MRPL13: variants seen among roughly 807,000 people sequenced by gnomAD.
The protein encoded by MRPL13 is mitochondrial ribosomal protein L13.
A neutral mutation model predicts 29.0 loss-of-function variants in MRPL13; 33 were observed. The observed-to-expected ratio is 1.14, with a 90% CI of 0.86 to 1.52. The LOEUF is 1.52. Ranked by LOEUF, MRPL13 falls within the 40% of genes most tolerant of loss-of-function variation. The pLI is 0.00. For missense variants in MRPL13, 227 were observed against 216.7 expected, an observed-to-expected ratio of 1.05 and a Z score of -0.30; for synonymous variants, 77 against 68.4, an observed-to-expected ratio of 1.13 and a Z score of -0.62.
chr8:120,402,637 A>T (rs1013236369), intron 6 of MRPL13, among the ~76,000 whole-genome samples: 3 of 152,236 alleles, frequency 2.0e-5, no homozygotes, highest in Admixed American at 2.0e-4. Context: ...CAAAAGCATA[A>T]ATTGACAAAT....
At chr8:120,434,134 C>T (rs1350443106) in intron 2 of MRPL13, among the ~76,000 whole-genome samples, 1 of 152,062 alleles carries the variant, frequency 6.6e-6, no homozygotes, top group Non-Finnish European at 1.5e-5. Context: ...AGCTTCATGT[C>T]AGGAAACCTA....
chr8:120,407,693 C>A (rs535140177), intron 6 of MRPL13, among the ~76,000 whole-genome samples: 4 of 148,218 alleles, frequency 2.7e-5, no homozygotes, highest in East Asian at 2.0e-4. Context: ...CAAAACAAAA[C>A]AAAAAATACA....
chr8:120,432,070 C>T lies in MRPL13; in HGVS notation c.205G>A (p.Gly69Arg), dbSNP rs1813002638. Residue 69 changes from glycine (G) to arginine (R), a missense_variant, in exon 3 of 7, where the codon GGA (glycine) becomes AGA (arginine). Coordinates refer to ENST00000306185, the MANE Select transcript of MRPL13 (RefSeq NM_014078.6). ...IMNTRHIAFS[G>R]NKWEQKVYSS... ...TATACTTTTTGTTCCCATTTGTTTCCAGAAAATGCAATGTGTCTTGTGTTC... is the reference window on the plus strand; with the variant it reads ...TATACTTTTTGTTCCCATTTGTTTCTAGAAAATGCAATGTGTCTTGTGTTC... 1 of 1,609,034 alleles carries T rather than the reference C, an allele frequency of 6.2e-7. No homozygotes were observed. Among genetic ancestry groups the T allele is most frequent in the Non-Finnish European group, 8.5e-7 (1 of 1,177,604 alleles).
At chr8:120,436,892 T>C (rs1813060438) in intron 2 of MRPL13, among the ~76,000 whole-genome samples, 1 of 152,218 alleles carries the variant, frequency 6.6e-6, no homozygotes, top group African/African-American at 2.4e-5. Flanking sequence ...AATGTCCAAA[T>C]GGCTACTTCA....
At chr8:120,432,183 C>T (rs752316595) in intron 2 of MRPL13, 60 bp from the exon 3 acceptor site, 138 of 1,320,556 alleles carry the variant, frequency 1.0e-4, no homozygotes, top group Admixed American at 1.5e-4. Flanking sequence ...GAAAAAGTGG[C>T]CTTGGTTATT....
At chr8:120,411,370 G>A (rs1405213518) in intron 6 of MRPL13, among the ~76,000 whole-genome samples, 1 of 152,106 alleles carries the variant, frequency 6.6e-6, no homozygotes, top group Non-Finnish European at 1.5e-5. Flanking sequence ...GCCTGGCTGA[G>A]AGTTGTTTTC....
intron 3 of MRPL13, 143 bp downstream of exon 3, chr8:120,431,887 G>A: frequency 3.7e-6 from 2 of 537,438 alleles, no homozygotes. Flanking sequence ...TAAAAATTGA[G>A]TAAATTATAT....
intron 6 of MRPL13, among the ~76,000 whole-genome samples, chr8:120,397,187 C>T (rs1031700218): frequency 4.0e-5 from 6 of 151,164 alleles, no homozygotes; most frequent in African/African-American, 1.5e-4. Flanking sequence ...CGTGAGCCCA[C>T]ACCACCAGGG....
At chr8:120,422,770 T>C (rs988785917) in intron 4 of MRPL13, among the ~76,000 whole-genome samples, 3 of 151,752 alleles carry the variant, frequency 2.0e-5, no homozygotes, top group African/African-American at 7.2e-5. Context: ...CTTGTGGGGA[T>C]CAAAATCCTG....
chr8:120,409,917 C>T (rs539271342), intron 6 of MRPL13, among the ~76,000 whole-genome samples: 9 of 152,132 alleles, frequency 5.9e-5, no homozygotes, highest in Admixed American at 2.0e-4. Context: ...CTAATGTATG[C>T]TGAAACTAGG....
Position 120,414,119 on chromosome 8 carries a change from T to TAA in MRPL13, c.394-9_394-8dup. The TAA allele has an allele frequency of 3.3e-6, 5 of 1,507,632 alleles. No homozygotes were observed. The highest frequency in any genetic ancestry group is 2.6e-6 in the Non-Finnish European group (3 of 1,132,326). 93.4% of individuals were successfully genotyped at this position (1,507,632 alleles called of 1,614,324 possible). On this transcript the variant is annotated splice_polypyrimidine_tract_variant and splice_region_variant and intron_variant, in intron 5 of 6. Transcript: ENST00000306185. ...GAATATCTTCTGGAATATACTACAT[T>TAA]AAAAAAAAATTTAGACTTAATTTTC...
At chr8:120,418,450 C>A (rs1220733352) in intron 5 of MRPL13, among the ~76,000 whole-genome samples, 2 of 151,974 alleles carry the variant, frequency 1.3e-5, no homozygotes, top group African/African-American at 4.8e-5. Flanking sequence ...TCCCAGGATT[C>A]CAGATGAGAT....
At chr8:120,398,473 A>T (rs1238272407) in intron 6 of MRPL13, among the ~76,000 whole-genome samples, 1 of 152,212 alleles carries the variant, frequency 6.6e-6, no homozygotes, top group Non-Finnish European at 1.5e-5. Context: ...TCAACAAAAA[A>T]GACCCCACAA....
intron 2 of MRPL13, among the ~76,000 whole-genome samples, chr8:120,442,746 T>A (rs763286888): frequency 6.6e-6 from 1 of 152,194 alleles, no homozygotes; most frequent in Admixed American, 6.5e-5. Flanking sequence ...ATTAGTCTTA[T>A]TAGTGAAAAT....
At chr8:120,412,300 T>C (rs912254090) in intron 6 of MRPL13, among the ~76,000 whole-genome samples, 1 of 152,144 alleles carries the variant, frequency 6.6e-6, no homozygotes. Flanking sequence ...ATTTTCAAAC[T>C]ACATCAACTT....
At chr8:120,443,038 C>G (rs1225722716) in intron 2 of MRPL13, 147 bp downstream of exon 2, 2 of 800,534 alleles carry the variant, frequency 2.5e-6, no homozygotes, top group African/African-American at 1.8e-5. Context: ...CAGTTTTGGG[C>G]GCTAGTATGG....
chr8:120,436,089 T>A, intron 2 of MRPL13, among the ~76,000 whole-genome samples: 1 of 152,168 alleles, frequency 6.6e-6, no homozygotes, highest in East Asian at 1.9e-4. Context: ...ATATGCAATA[T>A]GCCAGGAGCT....
intron 3 of MRPL13, among the ~76,000 whole-genome samples, chr8:120,427,200 A>G (rs140566409): frequency 3.7e-4 from 56 of 152,312 alleles, no homozygotes; most frequent in Middle Eastern, 3.4e-3. Context: ...ATAAAGTAAC[A>G]CTGAAACTTC....
Position 120,408,828 on chromosome 8 carries a change from A to G in MRPL13, c.515+5163T>C, listed in dbSNP as rs374814647. Among the ~76,000 whole-genome samples, 121 of 152,310 alleles carry G rather than the reference A, an allele frequency of 7.9e-4. 1 individual carries two copies. The highest frequency in any genetic ancestry group is 2.7e-3 in the African/African-American group (113 of 41,566). Reference sequence around the variant, plus strand: ...GTAGTTTTTAGGATTAACAGCTTTCATATCAGAGAATATGCACTAAGCTTA... The same window carrying G: ...GTAGTTTTTAGGATTAACAGCTTTCGTATCAGAGAATATGCACTAAGCTTA... On this transcript the variant is annotated intron_variant, in intron 6 of 6. Coordinates refer to ENST00000306185, the MANE Select transcript of MRPL13 (RefSeq NM_014078.6).
Sources: allele counts gnomAD v4.1 joint callset (sites outside exome capture counted in the v4.1 genomes callset), GRCh38; gene constraint gnomAD v4.1.1; transcripts MANE v1.5; gene names NCBI Gene and HGNC (gene_info 2026-07-23, HGNC 2026-07-21).